KLHL7: variants seen among roughly 807,000 people sequenced by gnomAD.
The protein encoded by KLHL7 is kelch-like protein 7.
In KLHL7, 44 loss-of-function variants were observed where a neutral mutation model predicts 67.4. The ratio of observed to expected loss-of-function variants is 0.65; its 90% CI spans 0.51 to 0.84. KLHL7 has a LOEUF of 0.84. Ranked by LOEUF, KLHL7 falls within the 40% of genes least tolerant of loss-of-function variation. KLHL7 has a pLI of 0.00. For synonymous variants in KLHL7, 252 were observed against 243.3 expected, an observed-to-expected ratio of 1.04 and a Z score of -0.33; for missense variants, 362 against 718.1, an observed-to-expected ratio of 0.50 and a Z score of 5.67.
intron 7 of KLHL7, among the ~76,000 whole-genome samples, chr7:23,163,032 T>C (rs760746364): frequency 6.6e-6 from 1 of 152,240 alleles, no homozygotes; most frequent in African/African-American, 2.4e-5. Flanking sequence ...ATTTCTATTA[T>C]TTGAGGATCT....
intron 4 of KLHL7, among the ~76,000 whole-genome samples, chr7:23,127,588 A>G (rs993033607): frequency 3.3e-5 from 5 of 152,164 alleles, no homozygotes; most frequent in Admixed American, 6.5e-5. Context: ...GAGTCCATCA[A>G]TCGAGCTTCC....
chr7:23,137,865 C>G (rs1345295547), intron 4 of KLHL7, among the ~76,000 whole-genome samples: 1 of 120,794 alleles, frequency 8.3e-6, no homozygotes, highest in Non-Finnish European at 1.6e-5. Context: ...CTGTGCCCAG[C>G]CCAAAATTGT....
rs1326262226 is a variant in KLHL7, at chr7:23,142,075, C to T, written c.618+1131C>T. Among the ~76,000 whole-genome samples the T allele has an allele frequency of 3.3e-5, 5 of 152,066 alleles. No homozygotes were observed. The East Asian group carries it at 5.8e-4, about 18-fold the overall frequency. ...CTGGGATTATAGGTATGTGCCACCA[C>T]ACCCTGCTAATTGAGATGGGGTTTC... On this transcript the variant is annotated intron_variant, in intron 5 of 10. Transcript: ENST00000339077.
At chr7:23,160,570 C>T (rs1389748101) in intron 7 of KLHL7, among the ~76,000 whole-genome samples, 2 of 152,112 alleles carry the variant, frequency 1.3e-5, no homozygotes, top group Non-Finnish European at 2.9e-5. Context: ...CTAAGAAATG[C>T]CCATTTGTAT....
In KLHL7 at chr7:23,145,280, A is replaced by C. The variant is rs184544044; in HGVS notation, c.793+1255A>C. ...GTCTCTTGGCCTTTTTCTGAGAGAGAGCTTGATTTTTTTCAACCCTTTTAT... is the reference window on the plus strand; with the variant it reads ...GTCTCTTGGCCTTTTTCTGAGAGAGCGCTTGATTTTTTTCAACCCTTTTAT... On this transcript the variant is annotated intron_variant, in intron 6 of 10. Transcript: ENST00000339077. Among the ~76,000 whole-genome samples the C allele has an allele frequency of 4.3e-4, 63 of 145,542 alleles. 2 individuals are homozygous for C. In the East Asian group the frequency reaches 0.012, roughly 28 times the overall value.
intron 4 of KLHL7, 119 bp from the exon 5 acceptor site, chr7:23,140,650 C>T (rs754582356): frequency 8.7e-6 from 7 of 803,382 alleles, no homozygotes; most frequent in African/African-American, 1.7e-5. Context: ...GAAACAGAAA[C>T]GGATCCAGAT....
At chr7:23,149,995 T>C (rs1784481219) in intron 6 of KLHL7, among the ~76,000 whole-genome samples, 1 of 152,140 alleles carries the variant, frequency 6.6e-6, no homozygotes, top group South Asian at 2.1e-4. Flanking sequence ...ATGTTTTGCA[T>C]GTGTCAGGAA....
intron 7 of KLHL7, among the ~76,000 whole-genome samples, chr7:23,152,595 A>G (rs1784571494): frequency 6.6e-6 from 1 of 152,222 alleles, no homozygotes; most frequent in South Asian, 2.1e-4. Flanking sequence ...GAAATAACAC[A>G]TAGTCATTCT....
chr7:23,171,808 C>G (rs1026199154), intron 9 of KLHL7, among the ~76,000 whole-genome samples: 1 of 152,208 alleles, frequency 6.6e-6, no homozygotes, highest in African/African-American at 2.4e-5. Flanking sequence ...CTCCTGGGTT[C>G]ACGCCATTCT....
intron 7 of KLHL7, among the ~76,000 whole-genome samples, chr7:23,165,414 A>G (rs1215300581): frequency 6.6e-6 from 1 of 152,218 alleles, no homozygotes; most frequent in Non-Finnish European, 1.5e-5. Context: ...CAGAAGGAAT[A>G]GAAGACAGGG....
chr7:23,116,540 A>G (rs1783096652), intron 1 of KLHL7, among the ~76,000 whole-genome samples: 1 of 152,238 alleles, frequency 6.6e-6, no homozygotes, highest in South Asian at 2.1e-4. Flanking sequence ...TACATCAGGT[A>G]GCTGACCTTT....
intron 4 of KLHL7, among the ~76,000 whole-genome samples, chr7:23,134,113 A>G (rs1047187719): frequency 2.6e-5 from 4 of 152,114 alleles, no homozygotes; most frequent in African/African-American, 9.7e-5. Flanking sequence ...TATTATGTTG[A>G]GGTATGTTCC....
intron 8 of KLHL7, among the ~76,000 whole-genome samples, chr7:23,166,805 G>A (rs921348302): frequency 3.3e-5 from 5 of 152,064 alleles, no homozygotes; most frequent in African/African-American, 1.2e-4. Flanking sequence ...CTGTGGTACT[G>A]CAGATAACTT....
intron 4 of KLHL7, among the ~76,000 whole-genome samples, chr7:23,130,666 C>G (rs1435550491): frequency 2.0e-5 from 3 of 152,110 alleles, no homozygotes; most frequent in African/African-American, 7.2e-5. Flanking sequence ...AATTTAAAGA[C>G]TTATTTTTTC....
chr7:23,166,918 T>A (rs906672607), intron 8 of KLHL7, among the ~76,000 whole-genome samples: 5 of 152,134 alleles, frequency 3.3e-5, no homozygotes, highest in Non-Finnish European at 5.9e-5. Context: ...CCACTGAACC[T>A]ACCAAATCAG....
intron 7 of KLHL7, among the ~76,000 whole-genome samples, chr7:23,152,701 T>A (rs1018241016): frequency 6.6e-6 from 1 of 152,182 alleles, no homozygotes; most frequent in Non-Finnish European, 1.5e-5. Flanking sequence ...AGTGAACTTT[T>A]CATTACATAT....
At position 23,143,862 on chromosome 7, in the gene KLHL7, T is replaced by C. The variant is rs1339783140; in HGVS notation, c.630T>C (p.Ala210=). The change falls in exon 6 of 11, where the codon GCT becomes GCC. Residue 210 remains alanine (A), a synonymous_variant. Coordinates refer to ENST00000339077, the MANE Select transcript of KLHL7 (RefSeq NM_001031710.3). ...TTTTTCCCCCTTAGGTTTATGATGC[T>C]GCAGTCAGGTGGTTGAAATACGATG... ...TVRAEDQVYD[A]AVRWLKYDEP... The C allele has an allele frequency of 2.5e-6, 4 of 1,614,178 alleles. No homozygotes were observed. Among genetic ancestry groups the C allele is most frequent in the Non-Finnish European group, 8.5e-7 (1 of 1,179,996 alleles).
rs1440469958 is a variant in KLHL7 at position 23,124,693 on chromosome 7, A to G, written c.229A>G (p.Met77Val). 6.3e-7 allele frequency: 1 copy of G among 1,599,752 alleles called. No individual in the cohort carries two copies. Among genetic ancestry groups the G allele is most frequent in the Non-Finnish European group, 8.6e-7 (1 of 1,167,026 alleles). The change falls in exon 3 of 11, where the codon ATG (methionine) becomes GTG (valine). Residue 77 changes from methionine (M) to valine (V), a missense_variant. By Grantham distance (21) the Met-to-Val change is conservative. Transcript: ENST00000339077. ...HFFNLMFTTN[M>V]LESKSFEVEL... is the part of the protein sequence containing the mutation. ...GTTTCTTCTCTTCATTGTAGCTAACATGCTTGAATCAAAGTCCTTTGAAGT... is the reference window on the plus strand; with the variant it reads ...GTTTCTTCTCTTCATTGTAGCTAACGTGCTTGAATCAAAGTCCTTTGAAGT...
In KLHL7 at chr7:23,173,055, G is replaced by A; in HGVS notation, c.1477+10G>A. 6.3e-7 allele frequency: 1 copy of A among 1,583,344 alleles called. No individual in the cohort carries two copies. Among genetic ancestry groups the A allele is most frequent in the Non-Finnish European group, 8.7e-7 (1 of 1,152,054 alleles). Reference sequence around the variant, plus strand: ...GGTCAGAATGGTTTAGGTATGTGATGTTAATTCACTGTTCCACTTTCCTGA... The same window carrying A: ...GGTCAGAATGGTTTAGGTATGTGATATTAATTCACTGTTCCACTTTCCTGA... On this transcript the variant is annotated intron_variant, in intron 10 of 10. Coordinates refer to ENST00000339077, the MANE Select transcript of KLHL7 (RefSeq NM_001031710.3).
Sources: allele counts gnomAD v4.1 joint callset (sites outside exome capture counted in the v4.1 genomes callset), GRCh38; gene constraint gnomAD v4.1.1; transcripts MANE v1.5; gene names NCBI Gene and HGNC (gene_info 2026-07-23, HGNC 2026-07-21).